Variants in RARB observed in about 807,000 individuals in gnomAD.
RARB encodes the protein retinoic acid receptor beta.
Under a neutral mutation model 51.9 loss-of-function variants are expected in RARB, and 17 were observed. The ratio of observed to expected loss-of-function variants is 0.33; its 90% CI spans 0.22 to 0.49. The LOEUF (loss-of-function observed/expected upper bound fraction) is 0.49, where lower values mean the gene tolerates loss of function less well. RARB is among the 20% of genes least tolerant of loss of function. The pLI is 0.99. For missense variants in RARB, 369 were observed against 550.8 expected (o/e 0.67, Z 3.30); for synonymous variants, 215 against 195.4 (o/e 1.10, Z -0.84).
At chr3:25,362,802 C>G (rs1705989693) in intron 5 of RARB, among the ~76,000 whole-genome samples, 1 of 152,118 alleles carries the variant, frequency 6.6e-6, no homozygotes, top group African/African-American at 2.4e-5. Context: ...TGGGCTACAC[C>G]CACTGTCTAA....
At chr3:25,572,475 C>G (rs941170919) in intron 4 of RARB, among the ~76,000 whole-genome samples, 5 of 152,092 alleles carry the variant, frequency 3.3e-5, no homozygotes, top group African/African-American at 1.2e-4. Context: ...GATAACTTTC[C>G]CCTTGTCTCT....
intron 4 of RARB, among the ~76,000 whole-genome samples, chr3:25,165,709 A>G (rs1303925738): frequency 6.6e-6 from 1 of 152,158 alleles, no homozygotes; most frequent in South Asian, 2.1e-4. Context: ...ACATGAAAAG[A>G]CCTTAGGTGA....
At chr3:25,245,309 G>T (rs1702532150) in intron 5 of RARB, among the ~76,000 whole-genome samples, 2 of 152,068 alleles carry the variant, frequency 1.3e-5, no homozygotes, top group Admixed American at 1.3e-4. Flanking sequence ...TTACATTTAA[G>T]GTTTATATTG....
At chr3:25,530,315 C>A (rs1251488614) in intron 3 of RARB, among the ~76,000 whole-genome samples, 1 of 152,198 alleles carries the variant, frequency 6.6e-6, no homozygotes, top group African/African-American at 2.4e-5. Flanking sequence ...TTGGCCAGTT[C>A]TACAGGCCAA....
chr3:25,567,759 C>T (rs1575526472), intron 3 of RARB, among the ~76,000 whole-genome samples: 1 of 152,292 alleles, frequency 6.6e-6, no homozygotes. Context: ...GAAGGACCCT[C>T]CCTGCTTAGA....
Position 25,407,783 on chromosome 3 carries a change from G to A in RARB, c.179-53410G>A, listed in dbSNP as rs534299314. ...CTTTTTTTTTTTTTCCTGGCCATGA[G>A]AACAACCTTGATCCTCATGCAGCAT... On this transcript the variant is annotated intron_variant, in intron 5 of 11. Transcript: ENST00000383772. 4.0e-5 allele frequency among the ~76,000 whole-genome samples: 6 copies of A among 149,300 alleles called. No homozygotes were observed. In the South Asian group the frequency reaches 8.4e-4, roughly 21 times the overall value.
At chr3:24,971,521 T>C (rs1230976864) in intron 2 of RARB, among the ~76,000 whole-genome samples, 1 of 152,074 alleles carries the variant, frequency 6.6e-6, no homozygotes. Flanking sequence ...AAGTATTCCT[T>C]GTAATGATGT....
At chr3:25,024,916 G>C (rs1408028510) in intron 2 of RARB, 1 of 133,170 alleles carries the variant, frequency 7.5e-6, no homozygotes, top group Non-Finnish European at 1.5e-5. Flanking sequence ...TCATGCCACT[G>C]TCACTCCAGC....
At chr3:25,105,302 T>C (rs573724029) in intron 3 of RARB, among the ~76,000 whole-genome samples, 1 of 151,576 alleles carries the variant, frequency 6.6e-6, no homozygotes, top group South Asian at 2.1e-4. Flanking sequence ...TGAGACCTAC[T>C]GTAAAAAGGG....
intron 2 of RARB, among the ~76,000 whole-genome samples, chr3:24,901,157 G>C (rs905500578): frequency 6.6e-6 from 1 of 152,146 alleles, no homozygotes; most frequent in Non-Finnish European, 1.5e-5. Flanking sequence ...AAAGAACAGT[G>C]TCTAAACATT....
At chr3:24,860,894 G>A (rs142437142) in intron 2 of RARB, among the ~76,000 whole-genome samples, 30 of 152,266 alleles carry the variant, frequency 2.0e-4, no homozygotes, top group Admixed American at 3.3e-4. Context: ...TAGTATACAA[G>A]TAAACTTGCT....
At chr3:25,562,377 C>A (rs1460053723) in intron 3 of RARB, among the ~76,000 whole-genome samples, 1 of 152,054 alleles carries the variant, frequency 6.6e-6, no homozygotes, top group East Asian at 1.9e-4. Context: ...CAGTTTTATG[C>A]CATAAATAAA....
intron 2 of RARB, among the ~76,000 whole-genome samples, chr3:25,470,740 C>A (rs1405468608): frequency 3.9e-5 from 6 of 152,120 alleles, no homozygotes; most frequent in Non-Finnish European, 8.8e-5. Flanking sequence ...CCTTTGGAAC[C>A]CCCAGGTTAG....
At chr3:25,118,447 A>G (rs1486637533) in intron 3 of RARB, among the ~76,000 whole-genome samples, 1 of 152,160 alleles carries the variant, frequency 6.6e-6, no homozygotes, top group Non-Finnish European at 1.5e-5. Context: ...GTATATACAA[A>G]TTCTGTGTAA....
At chr3:25,244,201 T>C (rs549917023) in intron 5 of RARB, among the ~76,000 whole-genome samples, 1 of 152,242 alleles carries the variant, frequency 6.6e-6, no homozygotes, top group South Asian at 2.1e-4. Context: ...TCTTCTCCTT[T>C]TCTTCTTTAT....
In RARB at chr3:25,197,878, G is replaced by C. The variant is rs572358368; in HGVS notation, c.178+23303G>C. ...CTACGCGAAGCAATCTGCAGATTCA[G>C]AGCAATCCCTAGCAAAATACCAATG... On this transcript the variant is annotated intron_variant, in intron 5 of 11. Transcript: ENST00000383772. 2.7e-4 allele frequency among the ~76,000 whole-genome samples: 41 copies of C among 151,966 alleles called. No homozygotes were observed. In the South Asian group the frequency reaches 8.5e-3, roughly 32 times the overall value.
At chr3:24,867,214 C>G (rs577137180) in intron 2 of RARB, among the ~76,000 whole-genome samples, 15 of 152,184 alleles carry the variant, frequency 9.9e-5, no homozygotes, top group African/African-American at 3.6e-4. Context: ...AAGGTGGTCT[C>G]TCATTGGCCT....
chr3:24,975,506 A>C (rs988395374), intron 2 of RARB, among the ~76,000 whole-genome samples: 1 of 152,158 alleles, frequency 6.6e-6, no homozygotes, highest in East Asian at 1.9e-4. Flanking sequence ...TGTTCATGCC[A>C]CACTGAGATG....
intron 3 of RARB, among the ~76,000 whole-genome samples, chr3:25,561,598 G>T (rs1700274447): frequency 6.6e-6 from 1 of 151,790 alleles, no homozygotes; most frequent in South Asian, 2.1e-4. Context: ...GGAACAACTG[G>T]GCTGTCCTCT....
Sources: gnomAD v4.1 joint callset for allele counts (sites outside exome capture counted in the v4.1 genomes callset) on GRCh38, gnomAD v4.1.1 for gene constraint, MANE v1.5 for transcripts, NCBI Gene and HGNC (gene_info 2026-07-23, HGNC 2026-07-21) for gene names.